PRKCE: variants seen among roughly 807,000 people sequenced by gnomAD.
PRKCE encodes the protein protein kinase C epsilon.
A neutral mutation model predicts 85.4 loss-of-function variants in PRKCE; 16 were observed. That is an observed-to-expected ratio of 0.19 (90% CI 0.13 to 0.28). The LOEUF is 0.28. Ranked by LOEUF, PRKCE falls within the 10% of genes least tolerant of loss-of-function variation. The probability of loss-of-function intolerance (pLI) is 1.00; values close to 1 mark genes in which losing one functional copy is unlikely to be tolerated. For synonymous variants in PRKCE, 388 were observed against 371.5 expected (o/e 1.04, Z -0.51); for missense variants, 573 against 975.2 (o/e 0.59, Z 5.49).
At chr2:45,848,391 A>G (rs1573595290) in intron 2 of PRKCE, among the ~76,000 whole-genome samples, 2 of 152,060 alleles carry the variant, frequency 1.3e-5, no homozygotes, top group Admixed American at 1.3e-4. Context: ...GCTTACTGCA[A>G]CCTTTGCCTC....
chr2:46,034,912 G>T (rs750559677), intron 10 of PRKCE, among the ~76,000 whole-genome samples: 12 of 152,228 alleles, frequency 7.9e-5, no homozygotes, highest in Non-Finnish European at 1.6e-4. Flanking sequence ...TAGCTTGTTG[G>T]CATGCACTGC....
chr2:45,990,390 C>G (rs925612981), intron 6 of PRKCE, among the ~76,000 whole-genome samples: 5 of 152,200 alleles, frequency 3.3e-5, no homozygotes, highest in Admixed American at 3.3e-4. Flanking sequence ...AAGAGAATCA[C>G]TACGTCCAGT....
At chr2:46,028,007 T>A (rs1045246035) in intron 10 of PRKCE, among the ~76,000 whole-genome samples, 5 of 151,682 alleles carry the variant, frequency 3.3e-5, no homozygotes, top group Non-Finnish European at 7.4e-5. Flanking sequence ...AGTGGCAAGA[T>A]CTTAGCTCAC....
At chr2:45,943,770 A>G (rs547231647) in intron 2 of PRKCE, among the ~76,000 whole-genome samples, 5 of 152,332 alleles carry the variant, frequency 3.3e-5, no homozygotes, top group African/African-American at 9.6e-5. Context: ...CCCCTTTGTC[A>G]GGAGAGTTCC....
intron 4 of PRKCE, among the ~76,000 whole-genome samples, chr2:45,980,056 C>G (rs1288620377): frequency 6.6e-6 from 1 of 152,182 alleles, no homozygotes; most frequent in African/African-American, 2.4e-5. Context: ...GAGAAAACTG[C>G]TAATGTCCTT....
At chr2:46,092,333 A>T (rs558234363) in intron 11 of PRKCE, among the ~76,000 whole-genome samples, 1,593 of 152,342 alleles carry the variant, frequency 0.01, 32 homozygotes, top group African/African-American at 0.036. Flanking sequence ...CTTCCTCCTT[A>T]GATTCTCCAA....
intron 1 of PRKCE, among the ~76,000 whole-genome samples, chr2:45,705,430 G>C (rs765677524): frequency 6.6e-6 from 1 of 152,224 alleles, no homozygotes; most frequent in African/African-American, 2.4e-5. Flanking sequence ...GTGACTGCCA[G>C]TTGGGGGTAT....
rs747305723 is a variant in PRKCE, at chr2:45,871,565, G to A, written c.412+28502G>A. Among the ~76,000 whole-genome samples, 49 of 152,294 alleles carry A rather than the reference G, an allele frequency of 3.2e-4. 1 individual carries two copies. The highest frequency in any genetic ancestry group is 6.2e-4 in the South Asian group (3 of 4,822). ...TGTCTCTTTTCTTTTTCCCTGACTCGTTGAGAGCAGATGATTTAGAGGTAT... is the reference window on the plus strand; with the variant it reads ...TGTCTCTTTTCTTTTTCCCTGACTCATTGAGAGCAGATGATTTAGAGGTAT... On this transcript the variant is annotated intron_variant, in intron 2 of 14. Coordinates refer to ENST00000306156, the MANE Select transcript of PRKCE (RefSeq NM_005400.3).
chr2:45,948,209 C>T (rs749243487), intron 2 of PRKCE, among the ~76,000 whole-genome samples: 1 of 152,124 alleles, frequency 6.6e-6, no homozygotes, highest in East Asian at 1.9e-4. Flanking sequence ...TAACGTGGCA[C>T]ATGCAAAATA....
chr2:45,972,628 T>C (rs1292769655), intron 2 of PRKCE, among the ~76,000 whole-genome samples: 1 of 152,344 alleles, frequency 6.6e-6, no homozygotes, highest in Non-Finnish European at 1.5e-5. Flanking sequence ...CCACGTTTAG[T>C]TGATTTTTGT....
chr2:45,677,911 G>A, intron 1 of PRKCE: 1 of 985,124 alleles, frequency 1.0e-6, no homozygotes, highest in Non-Finnish European at 1.2e-6. Context: ...GGGGTAGTGG[G>A]AACCGGTAGG....
chr2:45,775,406 A>G (rs1465385815), intron 1 of PRKCE, among the ~76,000 whole-genome samples: 1 of 152,206 alleles, frequency 6.6e-6, no homozygotes, highest in Admixed American at 6.5e-5. Flanking sequence ...TTTGAGGCTC[A>G]TGAAATTCTC....
intron 1 of PRKCE, among the ~76,000 whole-genome samples, chr2:45,713,531 C>T (rs1410318872): frequency 2.0e-5 from 3 of 151,914 alleles, no homozygotes; most frequent in East Asian, 3.9e-4. Context: ...TCCGGACCAA[C>T]AAAAAAGTGG....
intron 13 of PRKCE, among the ~76,000 whole-genome samples, chr2:46,156,404 G>T (rs1410642760): frequency 6.6e-6 from 1 of 152,188 alleles, no homozygotes; most frequent in Admixed American, 6.5e-5. Context: ...TGATTCTCTG[G>T]CAGTTACGTG....
intron 2 of PRKCE, among the ~76,000 whole-genome samples, chr2:45,924,054 G>C (rs945754715): frequency 5.3e-5 from 8 of 152,138 alleles, no homozygotes; most frequent in Admixed American, 1.3e-4. Flanking sequence ...GAGGAGAAAA[G>C]AGCACTCCCT....
At chr2:45,876,680 T>A (rs1207188651) in intron 2 of PRKCE, among the ~76,000 whole-genome samples, 1 of 152,244 alleles carries the variant, frequency 6.6e-6, no homozygotes, top group Non-Finnish European at 1.5e-5. Flanking sequence ...GCCTTTGCAG[T>A]CACTCTCTCT....
chr2:46,175,680 C>T (rs1343662169), intron 14 of PRKCE, among the ~76,000 whole-genome samples: 3 of 152,138 alleles, frequency 2.0e-5, no homozygotes, highest in Non-Finnish European at 4.4e-5. Context: ...TCTCACAGAT[C>T]GGCATTTAAA....
intron 1 of PRKCE, among the ~76,000 whole-genome samples, chr2:45,693,147 G>A (rs1193314038): frequency 1.3e-5 from 2 of 152,132 alleles, no homozygotes; most frequent in Admixed American, 6.5e-5. Flanking sequence ...GGTGGCAATG[G>A]ATGGGTGGGT....
intron 11 of PRKCE, among the ~76,000 whole-genome samples, chr2:46,097,128 C>G (rs957284256): frequency 2.0e-5 from 3 of 152,070 alleles, no homozygotes; most frequent in Non-Finnish European, 2.9e-5. Context: ...TTCTTGTGGT[C>G]ACTTTGGGAC....
Sources: allele counts gnomAD v4.1 joint callset (sites outside exome capture counted in the v4.1 genomes callset), GRCh38; gene constraint gnomAD v4.1.1; transcripts MANE v1.5; gene names NCBI Gene and HGNC (gene_info 2026-07-23, HGNC 2026-07-21).